CDH4: variants seen among roughly 807,000 people sequenced by gnomAD.
CDH4 encodes the protein cadherin-4.
A neutral mutation model predicts 86.0 loss-of-function variants in CDH4; 33 were observed. The ratio of observed to expected loss-of-function variants is 0.38; its 90% CI spans 0.29 to 0.51. The LOEUF is 0.51. CDH4 is among the 20% of genes least tolerant of loss of function. The pLI, the probability that CDH4 is intolerant of heterozygous loss-of-function variation, is 0.86. For synonymous variants in CDH4, 555 were observed against 549.4 expected (o/e 1.01, Z -0.14); for missense variants, 1,114 against 1,307.4 (o/e 0.85, Z 2.28).
chr20:61,547,408 G>T (rs1188386840), intron 2 of CDH4, among the ~76,000 whole-genome samples: 1 of 151,712 alleles, frequency 6.6e-6, no homozygotes, highest in East Asian at 1.9e-4. Flanking sequence ...TAGAGACGGG[G>T]TTTCACTACA....
chr20:61,639,730 G>GC (rs1458070534), intron 2 of CDH4, among the ~76,000 whole-genome samples: 1 of 151,998 alleles, frequency 6.6e-6, no homozygotes, highest in Non-Finnish European at 1.5e-5. Context: ...TTAACGCAGC[G>GC]CAGAAGGCTC....
chr20:61,882,443 A>G (rs6121828), intron 7 of CDH4, among the ~76,000 whole-genome samples: 82,727 of 152,174 alleles, frequency 0.54, 24,861 homozygotes, highest in Non-Finnish European at 0.68. Context: ...CAACATCGAA[A>G]CGAGAGATTT....
intron 2 of CDH4, among the ~76,000 whole-genome samples, chr20:61,637,020 T>C (rs770590344): frequency 8.1e-4 from 123 of 152,178 alleles, no homozygotes; most frequent in Non-Finnish European, 1.4e-3. Context: ...CCAGCAAAGG[T>C]TCCTGGGTCC....
At chr20:61,936,599 G>A (rs1047235312) in intron 15 of CDH4, 138 bp from the exon 16 acceptor site, 11 of 560,498 alleles carry the variant, frequency 2.0e-5, no homozygotes, top group Non-Finnish European at 2.6e-5. Flanking sequence ...GTTAAATGCA[G>A]AGAGCCCTTA....
At chr20:61,677,101 C>A (rs74350409) in intron 2 of CDH4, among the ~76,000 whole-genome samples, 2,022 of 152,202 alleles carry the variant, frequency 0.013, 39 homozygotes, top group African/African-American at 0.046. Flanking sequence ...ACTCCGCATG[C>A]GGTAGGGAGC....
At chr20:61,888,312 G>A (rs530520921) in intron 7 of CDH4, among the ~76,000 whole-genome samples, 15 of 152,192 alleles carry the variant, frequency 9.9e-5, no homozygotes, top group Admixed American at 2.0e-4. Context: ...TGCTGGCACC[G>A]TCCCCAGCCC....
At chr20:61,399,196 A>G in intron 2 of CDH4, among the ~76,000 whole-genome samples, 1 of 43,874 alleles carries the variant, frequency 2.3e-5, no homozygotes, top group African/African-American at 1.3e-4. Context: ...GCAGTGGCGC[A>G]ATCTCGGCTC....
chr20:61,591,819 T>TA (rs1345750907), intron 2 of CDH4, among the ~76,000 whole-genome samples: 1 of 152,164 alleles, frequency 6.6e-6, no homozygotes, highest in Non-Finnish European at 1.5e-5. Flanking sequence ...TACGGCAGTT[T>TA]AAAAAAATGA....
At chr20:61,898,009 A>C (rs142930517) in intron 8 of CDH4, among the ~76,000 whole-genome samples, 13 of 152,302 alleles carry the variant, frequency 8.5e-5, no homozygotes, top group African/African-American at 2.9e-4. Context: ...GGTTCCCTCC[A>C]CCCTGCGGTG....
At chr20:61,580,098 G>A (rs1728571539) in intron 2 of CDH4, among the ~76,000 whole-genome samples, 1 of 150,702 alleles carries the variant, frequency 6.6e-6, no homozygotes, top group African/African-American at 2.5e-5. Context: ...TGAAGGCCTG[G>A]ACTTACGGAC....
intron 2 of CDH4, among the ~76,000 whole-genome samples, chr20:61,698,135 G>A (rs373670939): frequency 2.6e-5 from 4 of 152,198 alleles, no homozygotes; most frequent in Admixed American, 6.5e-5. Context: ...GGCACGTGTC[G>A]TCCACCCTCG....
chr20:61,904,587 G>A (rs764843614), intron 8 of CDH4, among the ~76,000 whole-genome samples: 29 of 152,126 alleles, frequency 1.9e-4, no homozygotes, highest in Non-Finnish European at 3.1e-4. Context: ...GGTGGGCACC[G>A]ACCCTGTACC....
intron 2 of CDH4, among the ~76,000 whole-genome samples, chr20:61,323,223 G>C (rs13036395): frequency 0.13 from 19,508 of 152,144 alleles, 1,623 homozygotes; most frequent in East Asian, 0.31. Context: ...ACTTCTCTTC[G>C]TTAGGAGTGA....
intron 2 of CDH4, among the ~76,000 whole-genome samples, chr20:61,382,165 C>G (rs1376291006): frequency 6.6e-6 from 1 of 152,188 alleles, no homozygotes; most frequent in African/African-American, 2.4e-5. Flanking sequence ...CCTGTGGCAT[C>G]ATGTTTCATT....
intron 2 of CDH4, among the ~76,000 whole-genome samples, chr20:61,411,438 A>G (rs1324113485): frequency 6.6e-6 from 1 of 151,468 alleles, no homozygotes; most frequent in Non-Finnish European, 1.5e-5. Context: ...TTGCCTTGGC[A>G]GAACCTCAAG....
rs938747259 is a variant in CDH4 at position 61,392,785 on chromosome 20, C to T, written c.169+137848C>T. 7.2e-5 allele frequency among the ~76,000 whole-genome samples: 11 copies of T among 152,262 alleles called. No individual in the cohort carries two copies. Among genetic ancestry groups the T allele is most frequent in the Admixed American group, 2.0e-4 (3 of 15,300 alleles). The stretch of plus-strand genomic sequence containing the variant: ...TCGGTATTGCACATTTATTTCCTAG[C>T]GGGGTAGAAACACTGGCCCCCCACG... On this transcript the variant is annotated intron_variant, in intron 2 of 15. Coordinates refer to ENST00000614565, the MANE Select transcript of CDH4 (RefSeq NM_001794.5). This position sits in a 1 kb window ranked among gnomAD's most constrained non-coding sequence, Gnocchi z 5.7.
intron 2 of CDH4, among the ~76,000 whole-genome samples, chr20:61,460,674 GT>G (rs2085437214): frequency 6.6e-6 from 1 of 152,138 alleles, no homozygotes; most frequent in Non-Finnish European, 1.5e-5. Flanking sequence ...TTGAGTGGGT[GT>G]CCTAGGAACC....
At chr20:61,834,567 G>A (rs1453993823) in intron 4 of CDH4, among the ~76,000 whole-genome samples, 3 of 152,320 alleles carry the variant, frequency 2.0e-5, no homozygotes, top group Admixed American at 1.3e-4. Flanking sequence ...GTGGGGACGC[G>A]TGCATTAAAT....
intron 2 of CDH4, among the ~76,000 whole-genome samples, chr20:61,591,440 T>G (rs1046500827): frequency 2.6e-5 from 4 of 152,180 alleles, no homozygotes; most frequent in African/African-American, 9.7e-5. Context: ...AGAAGCTGGC[T>G]GGGTTCTCTG....
Sources: gnomAD v4.1 joint callset for allele counts (sites outside exome capture counted in the v4.1 genomes callset) on GRCh38, gnomAD v4.1.1 for gene constraint, Gnocchi (gnomAD v3.1) non-coding constraint, MANE v1.5 for transcripts, NCBI Gene and HGNC (gene_info 2026-07-23, HGNC 2026-07-21) for gene names.